The following UBE2O variants were observed in gnomAD, a reference collection of about 807,000 sequenced individuals.
UBE2O encodes ubiquitin conjugating enzyme E2 O, also known as (E3-independent) E2 ubiquitin-conjugating enzyme.
UBE2O carries 15 observed loss-of-function variants against 125.8 expected under a neutral mutation model. That is an observed-to-expected ratio of 0.12 (90% CI 0.08 to 0.18). The LOEUF is 0.18. Ranked by LOEUF, UBE2O falls within the 10% of genes least tolerant of loss-of-function variation. UBE2O has a pLI of 1.00. For synonymous variants in UBE2O, 708 were observed against 703.2 expected (o/e 1.01, Z -0.11); for missense variants, 1,280 against 1,723.6 (o/e 0.74, Z 4.56).
intron 1 of UBE2O, among the ~76,000 whole-genome samples, chr17:76,415,760 C>G (rs943037405): frequency 6.6e-6 from 1 of 151,720 alleles, no homozygotes; most frequent in Non-Finnish European, 1.5e-5. Flanking sequence ...GCTGAGATCA[C>G]GCCACTGCAC....
In UBE2O at chr17:76,391,670, A is replaced by G; in HGVS notation, c.3209-57T>C. ...TGAGAGAGGCCCACAATGCAGGCCTACCCTCCACCTGCCAGGGGGACTATC... is the reference window on the plus strand; with the variant it reads ...TGAGAGAGGCCCACAATGCAGGCCTGCCCTCCACCTGCCAGGGGGACTATC... On this transcript the variant is annotated intron_variant, in intron 17 of 17. Transcript: ENST00000319380. This position sits in a 1 kb window ranked among gnomAD's most constrained non-coding sequence, Gnocchi z 8.4. 6.2e-7 allele frequency: 1 copy of G among 1,602,946 alleles called. No homozygotes were observed. Among genetic ancestry groups the G allele is most frequent in the Non-Finnish European group, 8.5e-7 (1 of 1,173,300 alleles).
chr17:76,420,311 T>A (rs12941950), intron 1 of UBE2O, among the ~76,000 whole-genome samples: 1 of 151,830 alleles, frequency 6.6e-6, no homozygotes, highest in Admixed American at 6.6e-5. Context: ...GGGGCCAAGT[T>A]CCCACTGAAG....
intron 1 of UBE2O, among the ~76,000 whole-genome samples, chr17:76,442,838 G>A (rs1360310989): frequency 1.3e-5 from 2 of 152,148 alleles, no homozygotes; most frequent in Non-Finnish European, 1.5e-5. Flanking sequence ...AGGACTAGAG[G>A]CAGGGAGACC....
Position 76,424,870 on chromosome 17 carries a change from AT to A in UBE2O, c.418-19299del, listed in dbSNP as rs1182766923. Among the ~76,000 whole-genome samples, 77 of 134,848 alleles carry A rather than the reference AT, an allele frequency of 5.7e-4. 1 individual carries two copies. The highest frequency in any genetic ancestry group is 1.4e-3 in the African/African-American group (51 of 36,104). The allele number at this position is 134,848 out of a possible 152,430, so 88.5% of individuals were successfully genotyped here. On this transcript the variant is annotated intron_variant, in intron 1 of 17. Coordinates refer to ENST00000319380, the MANE Select transcript of UBE2O (RefSeq NM_022066.4). ...GTTTCTTTTTTTTTTTTTATTTTTTATTTTTTTTTTTTGAGACAGAGTCTCG... is the reference window on the plus strand; with the variant it reads ...GTTTCTTTTTTTTTTTTTATTTTTTATTTTTTTTTTTGAGACAGAGTCTCG...
chr17:76,422,191 A>G (rs528296034), intron 1 of UBE2O, among the ~76,000 whole-genome samples: 20 of 152,326 alleles, frequency 1.3e-4, no homozygotes, highest in Non-Finnish European at 2.5e-4. Flanking sequence ...ATGGCTCCCA[A>G]CTATTTCAGT....
Position 76,412,406 on chromosome 17 carries a change from C to T in UBE2O, c.418-6834G>A, listed in dbSNP as rs542647954. Among the ~76,000 whole-genome samples the T allele has an allele frequency of 6.6e-5, 10 of 152,320 alleles. No homozygotes were observed. The South Asian group carries it at 1.9e-3, about 28-fold the overall frequency. Reference sequence around the variant, plus strand: ...CTCCTCCACCCCCTCCCTGACCCCCCATCTCTTATTGTCTGAGCTGGGTCT... The same window carrying T: ...CTCCTCCACCCCCTCCCTGACCCCCTATCTCTTATTGTCTGAGCTGGGTCT... On this transcript the variant is annotated intron_variant, in intron 1 of 17. Coordinates refer to ENST00000319380, the MANE Select transcript of UBE2O (RefSeq NM_022066.4).
At chr17:76,422,705 G>A (rs1198812373) in intron 1 of UBE2O, among the ~76,000 whole-genome samples, 1 of 152,208 alleles carries the variant, frequency 6.6e-6, no homozygotes, top group Non-Finnish European at 1.5e-5. Context: ...CCTCAGAAGG[G>A]CTTCTCTGGC....
intron 1 of UBE2O, among the ~76,000 whole-genome samples, chr17:76,446,063 C>T (rs1201035477): frequency 3.3e-5 from 5 of 152,230 alleles, no homozygotes; most frequent in Non-Finnish European, 4.4e-5. Context: ...ACATTATAGA[C>T]GTTCCTGATT....
chr17:76,398,995 C>T lies in UBE2O; in HGVS notation c.1629-4G>A, dbSNP rs190443746. The T allele has an allele frequency of 3.3e-4, 525 of 1,613,162 alleles. No individual in the cohort carries two copies. The highest frequency in any genetic ancestry group is 2.1e-3 in the Middle Eastern group (13 of 6,048). On this transcript the variant is annotated splice_region_variant and splice_polypyrimidine_tract_variant and intron_variant, in intron 9 of 17. Transcript: ENST00000319380. This position sits in a 1 kb window ranked among gnomAD's most constrained non-coding sequence, Gnocchi z 5.4. ...GGTCACCACCTCCACTGCCACCCTG[C>T]GGGTGCAGGCCAGTCAGCAGGCCAT...
chr17:76,452,614 G>C lies in UBE2O; in HGVS notation c.417+111C>G. Reference sequence around the variant, plus strand: ...CCACTGGGGCTGTCCTCCCGCGTCGGCCACTGCAGTGGCACCGCTCCGGGC... The same window carrying C: ...CCACTGGGGCTGTCCTCCCGCGTCGCCCACTGCAGTGGCACCGCTCCGGGC... On this transcript the variant is annotated intron_variant, in intron 1 of 17. Coordinates refer to ENST00000319380, the MANE Select transcript of UBE2O (RefSeq NM_022066.4). This position sits in a 1 kb window ranked among gnomAD's most constrained non-coding sequence, Gnocchi z 4.4. The C allele has an allele frequency of 9.5e-7, 1 of 1,047,942 alleles. No homozygotes were observed. The highest frequency in any genetic ancestry group is 1.2e-6 in the Non-Finnish European group (1 of 805,218). The allele number at this position is 1,047,942 out of a possible 1,614,324, so 64.9% of individuals were successfully genotyped here.
intron 1 of UBE2O, among the ~76,000 whole-genome samples, chr17:76,421,028 G>A (rs139196411): frequency 2.0e-5 from 3 of 152,270 alleles, no homozygotes; most frequent in African/African-American, 7.2e-5. Flanking sequence ...CAAACACATA[G>A]CAGCATGTAT....
chr17:76,452,942 G>A lies in UBE2O; in HGVS notation c.200C>T (p.Ser67Leu). ...GTGCACGGAGCCACGGTAACGGCCCGACACCAGGTCGTGAGAAAACAGCAG... is the reference window on the plus strand; with the variant it reads ...GTGCACGGAGCCACGGTAACGGCCCAACACCAGGTCGTGAGAAAACAGCAG... Reference protein sequence around the residue: ...QRLLFSHDLVSGRYRGSVHFG... With the variant: ...QRLLFSHDLVLGRYRGSVHFG... The change falls in exon 1 of 18, where the codon TCG becomes TTG. Residue 67 changes from serine to leucine, a missense_variant. Ser to Leu is a moderately radical substitution (Grantham distance 145). Coordinates refer to ENST00000319380, the MANE Select transcript of UBE2O (RefSeq NM_022066.4). This position sits in a 1 kb window ranked among gnomAD's most constrained non-coding sequence, Gnocchi z 4.4. The A allele has an allele frequency of 1.3e-6, 2 of 1,497,624 alleles. No homozygotes were observed. The highest frequency in any genetic ancestry group is 1.3e-5 in the South Asian group (1 of 78,970). 92.8% of individuals were successfully genotyped at this position (1,497,624 alleles called of 1,614,324 possible). A position where few individuals can be genotyped will look rare whatever the true frequency, so the allele number is the denominator to read the frequency against.
chr17:76,432,995 G>C (rs535279024), intron 1 of UBE2O, among the ~76,000 whole-genome samples: 1 of 152,252 alleles, frequency 6.6e-6, no homozygotes, highest in Admixed American at 6.5e-5. Flanking sequence ...ATGTAAAATG[G>C]TGCAGTTGCT....
In UBE2O at chr17:76,390,608, C is replaced by G. The variant is rs953727134; in HGVS notation, c.*335G>C. The G allele has an allele frequency of 1.6e-5, 4 of 242,784 alleles. No individual in the cohort carries two copies. Among genetic ancestry groups the G allele is most frequent in the African/African-American group, 9.1e-5 (4 of 43,978 alleles). 15.0% of individuals were successfully genotyped at this position (242,784 alleles called of 1,614,324 possible). On this transcript the variant is annotated 3_prime_UTR_variant, in exon 18 of 18. Coordinates refer to ENST00000319380, the MANE Select transcript of UBE2O (RefSeq NM_022066.4). ...CAGGGAACCGGCCCAGAGAGCCCCG[C>G]GGCAGGCCCTGGAACACCCGCCTCT...
chr17:76,399,018 C>A lies in UBE2O; in HGVS notation c.1629-27G>T. 6.2e-7 allele frequency: 1 copy of A among 1,610,392 alleles called. No homozygotes were observed. Among genetic ancestry groups the A allele is most frequent in the Non-Finnish European group, 8.5e-7 (1 of 1,178,362 alleles). On this transcript the variant is annotated intron_variant, in intron 9 of 17. Coordinates refer to ENST00000319380, the MANE Select transcript of UBE2O (RefSeq NM_022066.4). This position sits in a 1 kb window ranked among gnomAD's most constrained non-coding sequence, Gnocchi z 6.9. ...TGCGGGTGCAGGCCAGTCAGCAGGCCATGCAAACCCCACCCCCTCCGCGGA... is the reference window on the plus strand; with the variant it reads ...TGCGGGTGCAGGCCAGTCAGCAGGCAATGCAAACCCCACCCCCTCCGCGGA...
At position 76,395,596 on chromosome 17, in the gene UBE2O, AGGTG is replaced by A. The variant is rs2072193495; in HGVS notation, c.2946+125_2946+128del. 18 of 1,134,156 alleles carry A rather than the reference AGGTG, an allele frequency of 1.6e-5. No homozygotes were observed. Among genetic ancestry groups the A allele is most frequent in the Middle Eastern group, 5.7e-4 (2 of 3,498 alleles). 70.3% of individuals were successfully genotyped at this position (1,134,156 alleles called of 1,614,324 possible). On this transcript the variant is annotated intron_variant, in intron 15 of 17. Transcript: ENST00000319380. The surrounding 1 kb of genome is among the most constrained non-coding windows in gnomAD (Gnocchi z 5.0). ...CTGAGCCTGTGACCGCCCCTGTAAA[AGGTG>A]GGTGGGTGAGTGTCCTCGCAGGTGC...
intron 1 of UBE2O, among the ~76,000 whole-genome samples, chr17:76,424,110 A>G (rs1343159462): frequency 1.3e-5 from 2 of 150,856 alleles, no homozygotes; most frequent in Admixed American, 6.6e-5. Context: ...GGGTTTCACC[A>G]TGTTAGCCAG....
chr17:76,427,815 C>A (rs2072837127), intron 1 of UBE2O, among the ~76,000 whole-genome samples: 1 of 152,194 alleles, frequency 6.6e-6, no homozygotes, highest in African/African-American at 2.4e-5. Context: ...TTTCTCTGAT[C>A]CCATGGGGGA....
intron 1 of UBE2O, among the ~76,000 whole-genome samples, chr17:76,418,303 C>T (rs1029125496): frequency 3.9e-5 from 6 of 152,210 alleles, no homozygotes; most frequent in Non-Finnish European, 7.3e-5. Flanking sequence ...TTATCACAGT[C>T]CTGAAGGAGG....
Sources: gnomAD v4.1 joint callset for allele counts (sites outside exome capture counted in the v4.1 genomes callset) on GRCh38, gnomAD v4.1.1 for gene constraint, Gnocchi (gnomAD v3.1) non-coding constraint, MANE v1.5 for transcripts, NCBI Gene and HGNC (gene_info 2026-07-23, HGNC 2026-07-21) for gene names.